RAG1: variants seen among roughly 807,000 people sequenced by gnomAD.
RAG1 encodes recombination activating 1, also known as V(D)J recombination-activating protein 1.
In RAG1, 35 loss-of-function variants were observed where a neutral mutation model predicts 62.7. The observed-to-expected ratio is 0.56, with a 90% CI of 0.43 to 0.74. The LOEUF (loss-of-function observed/expected upper bound fraction) is 0.74. RAG1 is among the 30% of genes least tolerant of loss of function. RAG1 has a pLI of 0.00. For missense variants in RAG1, 1,169 were observed against 1,278.6 expected, an observed-to-expected ratio of 0.91 and a Z score of 1.31; for synonymous variants, 461 against 470.3, an observed-to-expected ratio of 0.98 and a Z score of 0.26.
chr11:36,559,353 T>C (rs2133278948), intron 3 of RAG1, among the ~76,000 whole-genome samples: 1 of 152,310 alleles, frequency 6.6e-6, no homozygotes, highest in African/African-American at 2.4e-5. Context: ...GAGAGAATCT[T>C]TTGAAGTTGA....
At chr11:36,542,863 T>A (rs973938944) in intron 3 of RAG1, among the ~76,000 whole-genome samples, 2 of 152,014 alleles carry the variant, frequency 1.3e-5, no homozygotes, top group African/African-American at 2.4e-5. Flanking sequence ...GTAAAAAAAA[T>A]AGAAAAAAAC....
In RAG1 at chr11:36,573,954, C is replaced by A. The variant is rs766340723; in HGVS notation, c.650C>A (p.Ala217Asp). 5 of 1,614,010 alleles carry A rather than the reference C, an allele frequency of 3.1e-6. No homozygotes were observed. The highest frequency in any genetic ancestry group is 2.2e-5 in the East Asian group (1 of 44,876). ...CCATCCTGTGACATCTGCAACACTG[C>A]CCGTCGGGGACTCAAGAGGAAGAGT... ...HTPSCDICNT[A>D]RRGLKRKSLQ... The change falls in exon 2 of 2, where the codon GCC becomes GAC. Residue 217 changes from alanine to aspartate, a missense_variant. Around this residue, in one of 2 missense-constraint regions of RAG1, gnomAD observed 369 missense variants for 335.3 expected, o/e 1.10. Coordinates refer to ENST00000299440, the MANE Select transcript of RAG1 (RefSeq NM_000448.3).
intron 3 of RAG1, among the ~76,000 whole-genome samples, chr11:36,558,193 TA>T (rs1318757872): frequency 6.6e-6 from 1 of 152,202 alleles, no homozygotes; most frequent in Non-Finnish European, 1.5e-5. Flanking sequence ...TGGCATAACA[TA>T]TAATCTATCC....
intron 2 of RAG1, among the ~76,000 whole-genome samples, chr11:36,523,849 T>A (rs1207887000): frequency 6.6e-6 from 1 of 152,202 alleles, no homozygotes; most frequent in Admixed American, 6.5e-5. Flanking sequence ...GGTAACATCA[T>A]GCAAAACTGT....
At chr11:36,537,577 A>G (rs1860351668), downstream of RAG1, among the ~76,000 whole-genome samples, 1 of 152,138 alleles carries the variant, frequency 6.6e-6, no homozygotes, top group Non-Finnish European at 1.5e-5. Flanking sequence ...AAAGGTAAGT[A>G]TTTTTCTTTG....
chr11:36,557,338 A>C (rs1850517811), intron 3 of RAG1, among the ~76,000 whole-genome samples: 1 of 108,518 alleles, frequency 9.2e-6, no homozygotes, highest in Admixed American at 9.2e-5. Context: ...AGCCGGTCTG[A>C]AAAGCGCAAT....
chr11:36,539,991 C>A (rs1860390676), downstream of RAG1, among the ~76,000 whole-genome samples: 1 of 152,180 alleles, frequency 6.6e-6, no homozygotes. Flanking sequence ...ATATCATCTG[C>A]TCAATTAACC....
chr11:36,525,897 T>C (rs1169257318), intron 2 of RAG1, among the ~76,000 whole-genome samples: 1 of 152,196 alleles, frequency 6.6e-6, no homozygotes, highest in African/African-American at 2.4e-5. Flanking sequence ...CATTTCCTTT[T>C]CTTGCCTATT....
chr11:36,575,769 C>A lies in RAG1; in HGVS notation c.2465C>A (p.Pro822His). ...GAGATAGGGGAAGTGTATAAGAATC[C>A]CAATGCTTCCAAAGAGGAAAGGAAA... ...QLEIGEVYKN[P>H]NASKEERKRW... The change falls in exon 2 of 2, where the codon CCC (proline) becomes CAC (histidine). Residue 822 changes from proline (P) to histidine (H), a missense_variant. Around this residue, in one of 2 missense-constraint regions of RAG1, gnomAD observed 800 missense variants for 943.3 expected, o/e 0.85. Transcript: ENST00000299440. The surrounding 1 kb of genome is among the most constrained non-coding windows in gnomAD (Gnocchi z 4.1). 1 of 1,614,138 alleles carries A rather than the reference C, an allele frequency of 6.2e-7. No individual in the cohort carries two copies. Among genetic ancestry groups the A allele is most frequent in the Non-Finnish European group, 8.5e-7 (1 of 1,180,028 alleles).
chr11:36,560,775 T>G (rs1850572634), intron 3 of RAG1, among the ~76,000 whole-genome samples: 1 of 152,140 alleles, frequency 6.6e-6, no homozygotes, highest in South Asian at 2.1e-4. Context: ...TGACTACCTT[T>G]CCCCCTTTTC....
intron 3 of RAG1, among the ~76,000 whole-genome samples, chr11:36,560,207 C>T (rs1334534117): frequency 6.6e-6 from 1 of 151,964 alleles, no homozygotes; most frequent in Non-Finnish European, 1.5e-5. Flanking sequence ...GTTCTCAGGC[C>T]CTGGTAGGGT....
downstream of RAG1, among the ~76,000 whole-genome samples, chr11:36,540,153 G>A (rs951968768): frequency 1.3e-5 from 2 of 152,052 alleles, no homozygotes; most frequent in African/African-American, 4.8e-5. Flanking sequence ...TCGAGAAGCC[G>A]GGGGGAGAAG....
In RAG1 at chr11:36,574,734, C is replaced by T; in HGVS notation, c.1430C>T (p.Thr477Ile). 1 of 1,614,224 alleles carries T rather than the reference C, an allele frequency of 6.2e-7. No homozygotes were observed. The highest frequency in any genetic ancestry group is 1.1e-5 in the South Asian group (1 of 91,090). ...GTTTGCTTGGCCATCCGTGTCAACA[C>T]CTTCCTCAGCTGCAGTCAGTACCAC... ...PAVCLAIRVN[T>I]FLSCSQYHKM... The change falls in exon 2 of 2, where the codon ACC becomes ATC. Residue 477 changes from threonine (T) to isoleucine (I), a missense_variant. Thr to Ile is a moderately conservative substitution (Grantham distance 89). Transcript: ENST00000299440.
chr11:36,541,988 G>A (rs1053076997), intron 3 of RAG1, among the ~76,000 whole-genome samples: 2 of 152,100 alleles, frequency 1.3e-5, no homozygotes, highest in African/African-American at 2.4e-5. Context: ...AGGGACCTGC[G>A]CACTAGGGGA....
intron 3 of RAG1, among the ~76,000 whole-genome samples, chr11:36,543,804 C>T (rs192210387): frequency 6.6e-6 from 1 of 152,300 alleles, no homozygotes; most frequent in East Asian, 1.9e-4. Flanking sequence ...TGAGTGTCAA[C>T]AGACTAATTA....
chr11:36,571,054 G>T (rs892435604), intron 1 of RAG1, among the ~76,000 whole-genome samples: 1 of 152,206 alleles, frequency 6.6e-6, no homozygotes, highest in African/African-American at 2.4e-5. Flanking sequence ...CTTTTGCTTT[G>T]GTTGCCTTCC....
downstream of RAG1, among the ~76,000 whole-genome samples, chr11:36,537,478 G>A (rs1353186862): frequency 6.6e-6 from 1 of 152,088 alleles, no homozygotes; most frequent in African/African-American, 2.4e-5. Context: ...TTATACCTCT[G>A]TAAAGCTTAA....
At chr11:36,560,051 C>T (rs1261378752) in intron 3 of RAG1, among the ~76,000 whole-genome samples, 5 of 152,028 alleles carry the variant, frequency 3.3e-5, no homozygotes, top group Non-Finnish European at 5.9e-5. Flanking sequence ...CCTATAGTGT[C>T]GATTGGGTAA....
rs1850856341 is a variant in RAG1, at chr11:36,576,585, A to G, written c.*149A>G. 13 of 907,234 alleles carry G rather than the reference A, an allele frequency of 1.4e-5. No individual in the cohort carries two copies. The highest frequency in any genetic ancestry group is 3.1e-5 in the South Asian group (2 of 64,560). The allele number at this position is 907,234 out of a possible 1,614,324, so 56.2% of individuals were successfully genotyped here. A position where few individuals can be genotyped will look rare whatever the true frequency, so the allele number is the denominator to read the frequency against. ...GAGTAAGATGCTACAGATGCTCTCAAGTCAGGAATAGAAACTGATGAGCTG... is the reference window on the plus strand; with the variant it reads ...GAGTAAGATGCTACAGATGCTCTCAGGTCAGGAATAGAAACTGATGAGCTG... On this transcript the variant is annotated 3_prime_UTR_variant, in exon 2 of 2. Transcript: ENST00000299440.
Sources: gnomAD v4.1 joint callset for allele counts (sites outside exome capture counted in the v4.1 genomes callset) on GRCh38, gnomAD v4.1.1 for gene constraint, gnomAD v4.1.1 regional missense constraint, Gnocchi (gnomAD v3.1) non-coding constraint, MANE v1.5 for transcripts, NCBI Gene and HGNC (gene_info 2026-07-23, HGNC 2026-07-21) for gene names.